The following LUZP2 variants were observed in gnomAD, a reference collection of about 807,000 sequenced individuals.
The protein encoded by LUZP2 is leucine zipper protein 2.
Under a neutral mutation model 51.6 loss-of-function variants are expected in LUZP2, and 52 were observed. That is an observed-to-expected ratio of 1.01 (90% confidence interval 0.81 to 1.27). LUZP2 has a LOEUF of 1.27. LUZP2 is among the 50% of genes most tolerant of loss of function. The pLI, the probability that LUZP2 is intolerant of heterozygous loss-of-function variation, is 0.00. For synonymous variants in LUZP2, 154 were observed against 137.3 expected, an observed-to-expected ratio of 1.12 and a Z score of -0.85; for missense variants, 436 against 395.4, an observed-to-expected ratio of 1.10 and a Z score of -0.87.
At position 24,726,510 on chromosome 11, in the gene LUZP2, G is replaced by A. The variant is rs576377277; in HGVS notation, c.63-2659G>A. Among the ~76,000 whole-genome samples, 3 of 151,526 alleles carry A rather than the reference G, an allele frequency of 2.0e-5. No individual in the cohort carries two copies. The South Asian group carries it at 6.3e-4, about 32-fold the overall frequency. On this transcript the variant is annotated intron_variant, in intron 1 of 11. Transcript: ENST00000336930. ...ATACAAGATATGGGCACTGAAGCCA[G>A]ACCTCCCACCCTACTCCCCCCACCA...
At chr11:24,666,548 G>T (rs1385909292) in intron 1 of LUZP2, among the ~76,000 whole-genome samples, 1 of 152,030 alleles carries the variant, frequency 6.6e-6, no homozygotes, top group African/African-American at 2.4e-5. Flanking sequence ...AGATTCAAAT[G>T]TGAAGTCAAG....
intron 5 of LUZP2, among the ~76,000 whole-genome samples, chr11:24,883,445 C>T (rs991348289): frequency 2.6e-5 from 4 of 151,882 alleles, no homozygotes; most frequent in African/African-American, 9.7e-5. Context: ...ACTGCCACTC[C>T]ATGGGAATTT....
intron 1 of LUZP2, among the ~76,000 whole-genome samples, chr11:24,582,349 T>G (rs7118336): frequency 3.5e-4 from 45 of 128,290 alleles, no homozygotes; most frequent in African/African-American, 1.2e-3. Context: ...TCTGAGAGAT[T>G]AATAGAAATA....
chr11:25,077,442 C>T lies in LUZP2; in HGVS notation c.936+36C>T, dbSNP rs368529517. ...GTTTTATTTCGTTTGTGTCAAAAAG[C>T]ATTTATTGGATCCATTGTATTTATT... On this transcript the variant is annotated intron_variant, in intron 11 of 11. Transcript: ENST00000336930. 922 of 1,098,454 alleles carry T rather than the reference C, an allele frequency of 8.4e-4. 12 individuals are homozygous for T. The South Asian group carries it at 0.012, about 15-fold the overall frequency. The allele number at this position is 1,098,454 out of a possible 1,614,324, so 68.0% of individuals were successfully genotyped here. A position where few individuals can be genotyped will look rare whatever the true frequency, so the allele number is the denominator to read the frequency against.
intron 1 of LUZP2, among the ~76,000 whole-genome samples, chr11:24,595,992 A>G (rs1017825850): frequency 2.0e-5 from 3 of 152,194 alleles, no homozygotes; most frequent in Non-Finnish European, 4.4e-5. Context: ...CCATGTGCAT[A>G]TGGAAGTGTT....
intron 1 of LUZP2, among the ~76,000 whole-genome samples, chr11:24,544,928 T>C: frequency 6.6e-6 from 1 of 152,136 alleles, no homozygotes. Context: ...TCCCTTTTTC[T>C]CTGCAAACCC....
intron 1 of LUZP2, among the ~76,000 whole-genome samples, chr11:24,618,279 A>G (rs1233830067): frequency 6.6e-6 from 1 of 152,224 alleles, no homozygotes; most frequent in African/African-American, 2.4e-5. Flanking sequence ...CAGGCTCCCC[A>G]GAAGGTCTTC....
At chr11:24,682,946 G>A (rs1163417389) in intron 1 of LUZP2, among the ~76,000 whole-genome samples, 1 of 152,152 alleles carries the variant, frequency 6.6e-6, no homozygotes, top group African/African-American at 2.4e-5. Context: ...AGAGGTTGCA[G>A]TGAGCCGAGA....
chr11:24,533,034 C>A (rs1851060544), intron 1 of LUZP2, among the ~76,000 whole-genome samples: 1 of 151,176 alleles, frequency 6.6e-6, no homozygotes, highest in Non-Finnish European at 1.5e-5. Context: ...AAAATACTAA[C>A]ATCACCAGAC....
intron 5 of LUZP2, among the ~76,000 whole-genome samples, chr11:24,900,556 A>G (rs1853245318): frequency 6.6e-6 from 1 of 152,180 alleles, no homozygotes; most frequent in Non-Finnish European, 1.5e-5. Context: ...TTGCCTCCTT[A>G]CACATTTTAA....
chr11:24,988,865 G>A (rs1482890003), intron 9 of LUZP2, among the ~76,000 whole-genome samples: 2 of 151,864 alleles, frequency 1.3e-5, no homozygotes, highest in Non-Finnish European at 2.9e-5. Context: ...GCTGGATATC[G>A]GAGTTTTAGA....
In LUZP2 at chr11:25,009,365, A is replaced by G. The variant is rs537051419; in HGVS notation, c.765+26072A>G. Among the ~76,000 whole-genome samples, 4 of 152,312 alleles carry G rather than the reference A, an allele frequency of 2.6e-5. No homozygotes were observed. In the East Asian group the frequency reaches 7.7e-4, roughly 29 times the overall value. On this transcript the variant is annotated intron_variant, in intron 9 of 11. Transcript: ENST00000336930. ...GTTTGTATGACTTTGGCTATGAGTT[A>G]TGTCCATAAATAATTATTTGCATTG...
intron 5 of LUZP2, among the ~76,000 whole-genome samples, chr11:24,816,554 C>T (rs1289372620): frequency 1.3e-5 from 2 of 151,836 alleles, no homozygotes; most frequent in African/African-American, 2.4e-5. Context: ...AATATATAAC[C>T]TTGACCCAGT....
intron 1 of LUZP2, among the ~76,000 whole-genome samples, chr11:24,662,281 GA>G (rs912648300): frequency 2.0e-5 from 3 of 149,866 alleles, no homozygotes; most frequent in South Asian, 4.2e-4. Flanking sequence ...AGTTTTCTGT[GA>G]AAAAAAAATC....
At chr11:25,019,218 A>C (rs1464495101) in intron 9 of LUZP2, among the ~76,000 whole-genome samples, 1 of 152,210 alleles carries the variant, frequency 6.6e-6, no homozygotes, top group Non-Finnish European at 1.5e-5. Context: ...TTCGTTATAC[A>C]TGACAGTAAA....
chr11:25,004,271 A>G (rs1191088255), intron 9 of LUZP2, among the ~76,000 whole-genome samples: 3 of 152,110 alleles, frequency 2.0e-5, no homozygotes, highest in Non-Finnish European at 4.4e-5. Context: ...TTCTCACTGG[A>G]CAATCTTTTT....
At chr11:24,978,835 C>T (rs892137260) in intron 8 of LUZP2, among the ~76,000 whole-genome samples, 21 of 151,756 alleles carry the variant, frequency 1.4e-4, no homozygotes, top group African/African-American at 4.8e-4. Context: ...TCACAGAGCT[C>T]AGGGTTAGTG....
intron 9 of LUZP2, among the ~76,000 whole-genome samples, chr11:25,030,050 G>T (rs1389046496): frequency 6.6e-6 from 1 of 152,082 alleles, no homozygotes; most frequent in Non-Finnish European, 1.5e-5. Context: ...GACATTAGAT[G>T]GGTATTCATG....
intron 1 of LUZP2, among the ~76,000 whole-genome samples, chr11:24,499,665 G>A (rs1448066463): frequency 6.6e-6 from 1 of 152,134 alleles, no homozygotes; most frequent in Non-Finnish European, 1.5e-5. Flanking sequence ...GCAGGTGGTG[G>A]TAATTGCTAG....
Sources: gnomAD v4.1 joint callset for allele counts (sites outside exome capture counted in the v4.1 genomes callset) on GRCh38, gnomAD v4.1.1 for gene constraint, MANE v1.5 for transcripts, NCBI Gene and HGNC (gene_info 2026-07-23, HGNC 2026-07-21) for gene names.